The following RNF182 variants were observed in gnomAD, a reference collection of about 807,000 sequenced individuals.
The protein encoded by RNF182 is E3 ubiquitin-protein ligase RNF182.
RNF182 carries 15 observed loss-of-function variants against 14.4 expected under a neutral mutation model. The ratio of observed to expected loss-of-function variants is 1.04; its 90% CI spans 0.70 to 1.60. The LOEUF (loss-of-function observed/expected upper bound fraction) is 1.60. Among genes scored for constraint, RNF182 ranks in the 40% most tolerant of loss-of-function variants. The pLI is 0.00. For missense variants in RNF182, 268 were observed against 294.8 expected, an observed-to-expected ratio of 0.91 and a Z score of 0.67; for synonymous variants, 128 against 122.9, an observed-to-expected ratio of 1.04 and a Z score of -0.27.
In RNF182 at chr6:13,978,552, C is replaced by T. The variant is rs1002007592; in HGVS notation, c.*689C>T. 6.4e-6 allele frequency: 1 copy of T among 157,304 alleles called. No homozygotes were observed. Among genetic ancestry groups the T allele is most frequent in the Non-Finnish European group, 1.6e-5 (1 of 63,294 alleles). 9.7% of individuals were successfully genotyped at this position (157,304 alleles called of 1,614,324 possible). On this transcript the variant is annotated 3_prime_UTR_variant, in exon 3 of 3. Transcript: ENST00000488300. ...ATTTGTCCTTGAGACACACTCTTTC[C>T]TCCATGTCTGTTTTCCTCTCTCCTC...
intron 1 of RNF182, among the ~76,000 whole-genome samples, chr6:13,940,327 G>T (rs1022859650): frequency 6.6e-6 from 1 of 152,122 alleles, no homozygotes; most frequent in Non-Finnish European, 1.5e-5. Flanking sequence ...TGTTAGAACA[G>T]TTTTGCATTT....
intron 1 of RNF182, among the ~76,000 whole-genome samples, chr6:13,971,442 T>G (rs1005132474): frequency 5.3e-5 from 8 of 152,158 alleles, no homozygotes; most frequent in African/African-American, 1.7e-4. Flanking sequence ...AATTACTTAG[T>G]CTTGGGTATA....
chr6:13,974,077 G>T (rs1437524809), intron 1 of RNF182, 133 bp from the exon 2 acceptor site: 1 of 152,048 alleles, frequency 6.6e-6, no homozygotes, highest in Non-Finnish European at 1.5e-5. Context: ...TAGATTTTTG[G>T]TTATTATTCA....
intron 1 of RNF182, among the ~76,000 whole-genome samples, chr6:13,963,117 T>C (rs1759922246): frequency 6.6e-6 from 1 of 152,206 alleles, no homozygotes. Context: ...GCTTATGCAG[T>C]GTTTCTAAAA....
chr6:13,954,875 G>A (rs1759688186), intron 1 of RNF182, among the ~76,000 whole-genome samples: 1 of 152,036 alleles, frequency 6.6e-6, no homozygotes, highest in African/African-American at 2.4e-5. Flanking sequence ...CAGATTTTTG[G>A]CAAGAAGGCC....
intron 1 of RNF182, among the ~76,000 whole-genome samples, chr6:13,945,141 C>G (rs1330233020): frequency 1.3e-5 from 2 of 152,098 alleles, no homozygotes; most frequent in African/African-American, 4.8e-5. Context: ...TATGTTGGAG[C>G]TGGAAGGTCT....
chr6:13,956,079 A>G (rs1053455364), intron 1 of RNF182, among the ~76,000 whole-genome samples: 4 of 152,134 alleles, frequency 2.6e-5, no homozygotes, highest in African/African-American at 9.7e-5. Flanking sequence ...CACTTCACAT[A>G]ATGTCGTTCA....
chr6:13,949,106 T>C (rs1425928591), intron 1 of RNF182: 2 of 746,736 alleles, frequency 2.7e-6, no homozygotes, highest in African/African-American at 1.7e-5. Context: ...TGGCTGCCAC[T>C]GCCTTTGCCA....
chr6:13,938,045 G>A (rs1437539223), intron 1 of RNF182, among the ~76,000 whole-genome samples: 3 of 114,476 alleles, frequency 2.6e-5, no homozygotes, highest in Non-Finnish European at 5.0e-5. Flanking sequence ...AGTTTCTGTC[G>A]TCGCCCAGGC....
intron 1 of RNF182, among the ~76,000 whole-genome samples, chr6:13,947,675 A>G (rs1258786351): frequency 6.6e-6 from 1 of 152,178 alleles, no homozygotes; most frequent in African/African-American, 2.4e-5. Context: ...TCAGAAAGTG[A>G]CATTCTTTAC....
intron 1 of RNF182, among the ~76,000 whole-genome samples, chr6:13,963,613 G>A (rs1487959475): frequency 6.6e-6 from 1 of 152,166 alleles, no homozygotes; most frequent in African/African-American, 2.4e-5. Flanking sequence ...TTTTGTCTGG[G>A]CCTTTCTCTC....
chr6:13,966,650 C>G (rs1293237241), intron 1 of RNF182, among the ~76,000 whole-genome samples: 1 of 151,948 alleles, frequency 6.6e-6, no homozygotes, highest in African/African-American at 2.4e-5. Flanking sequence ...GTAATCTCAG[C>G]TACTTGGGAG....
At chr6:13,931,645 T>C (rs1758972726) in intron 1 of RNF182, among the ~76,000 whole-genome samples, 1 of 138,386 alleles carries the variant, frequency 7.2e-6, no homozygotes, top group East Asian at 2.0e-4. Flanking sequence ...TGTGACCTTT[T>C]TTTCTCTTTT....
At chr6:13,946,690 A>G (rs1210360366) in intron 1 of RNF182, among the ~76,000 whole-genome samples, 2 of 152,142 alleles carry the variant, frequency 1.3e-5, no homozygotes, top group African/African-American at 4.8e-5. Flanking sequence ...CTAATTCAAG[A>G]TGGAGTCACT....
upstream of RNF182, chr6:13,924,846 G>A (rs1013776844): frequency 5.3e-5 from 8 of 150,870 alleles, no homozygotes; most frequent in Admixed American, 1.3e-4. Context: ...GGGCCGGGGG[G>A]GCCCCGGCGG....
chr6:13,955,839 G>C (rs1219719408), intron 1 of RNF182, among the ~76,000 whole-genome samples: 1 of 152,086 alleles, frequency 6.6e-6, no homozygotes, highest in African/African-American at 2.4e-5. Flanking sequence ...GATTGCTTGA[G>C]GCCAGGAGTT....
At chr6:13,972,388 G>A (rs192663304) in intron 1 of RNF182, among the ~76,000 whole-genome samples, 7 of 152,122 alleles carry the variant, frequency 4.6e-5, no homozygotes, top group Admixed American at 3.3e-4. Flanking sequence ...CCAATTTTCT[G>A]AGGAGAAATT....
chr6:13,935,300 A>G (rs1186109809), intron 1 of RNF182, among the ~76,000 whole-genome samples: 6 of 138,282 alleles, frequency 4.3e-5, no homozygotes, highest in African/African-American at 1.5e-4. Context: ...GGCAGAAACA[A>G]TGTCTTTTTT....
intron 1 of RNF182, among the ~76,000 whole-genome samples, chr6:13,953,825 T>C (rs1759660252): frequency 6.6e-6 from 1 of 152,128 alleles, no homozygotes; most frequent in Non-Finnish European, 1.5e-5. Context: ...CCCTCTAGAC[T>C]GTATATTTCT....
Sources: allele counts gnomAD v4.1 joint callset (sites outside exome capture counted in the v4.1 genomes callset), GRCh38; gene constraint gnomAD v4.1.1; transcripts MANE v1.5; gene names NCBI Gene and HGNC (gene_info 2026-07-23, HGNC 2026-07-21).